The following TLK1 variants were observed in gnomAD, a reference collection of about 807,000 sequenced individuals.
TLK1 encodes the protein serine/threonine-protein kinase tousled-like 1.
TLK1 carries 24 observed loss-of-function variants against 105.3 expected under a neutral mutation model. That is an observed-to-expected ratio of 0.23 (90% CI 0.17 to 0.32). TLK1 has a LOEUF of 0.32. TLK1 is among the 10% of genes least tolerant of loss of function. TLK1 has a pLI of 1.00. For missense variants in TLK1, 558 were observed against 910.5 expected (o/e 0.61, Z 4.98); for synonymous variants, 321 against 310.4 (o/e 1.03, Z -0.36).
At chr2:171,132,801 G>C (rs1691156090) in intron 1 of TLK1, among the ~76,000 whole-genome samples, 1 of 152,110 alleles carries the variant, frequency 6.6e-6, no homozygotes, top group Admixed American at 6.5e-5. Flanking sequence ...AGAGATCAAG[G>C]CTGCAGTGAG....
intron 12 of TLK1, among the ~76,000 whole-genome samples, chr2:171,023,688 TG>T (rs749666013): frequency 2.6e-5 from 4 of 152,228 alleles, no homozygotes; most frequent in Non-Finnish European, 4.4e-5. Flanking sequence ...CTCATCAGTT[TG>T]GGGTATTATG....
At chr2:171,009,291 CTTTTTTTTTTTTTTTTTTTTT>C (rs71008743) in intron 14 of TLK1, among the ~76,000 whole-genome samples, 1 of 74,832 alleles carries the variant, frequency 1.3e-5, no homozygotes, top group Non-Finnish European at 2.3e-5. Context: ...ATTTCTTTTC[CTTTTTTTTTTTTTTTTTTTTT>C]TTTTTTTGAG....
At chr2:171,042,455 C>G (rs887538483) in intron 11 of TLK1, among the ~76,000 whole-genome samples, 2 of 151,690 alleles carry the variant, frequency 1.3e-5, no homozygotes, top group African/African-American at 2.4e-5. Flanking sequence ...GCTCTGTTGC[C>G]CAGGCTAGTT....
In TLK1 at chr2:171,117,777, T is replaced by C. The variant is rs1690496392; in HGVS notation, c.220A>G (p.Ser74Gly). 6.2e-7 allele frequency: 1 copy of C among 1,613,838 alleles called. No homozygotes were observed. Among genetic ancestry groups the C allele is most frequent in the Admixed American group, 1.7e-5 (1 of 59,978 alleles). Residue 74 changes from serine to glycine, a missense_variant, in exon 2 of 21, where the codon AGC becomes GGC. By Grantham distance (56) the Ser-to-Gly change is moderately conservative. Coordinates refer to ENST00000431350, the MANE Select transcript of TLK1 (RefSeq NM_012290.5). ...EARFTGVASGSTGSTGSCSVG... is the reference protein window; with the variant it reads ...EARFTGVASGGTGSTGSCSVG... ...CTGCAACTGCCCGTACTTCCAGTGC[T>C]CCCACTTGCAACTCCAGTAAATCTA...
intron 1 of TLK1, among the ~76,000 whole-genome samples, chr2:171,134,725 CTTTTTT>C (rs572825171): frequency 1.9e-5 from 2 of 103,804 alleles, no homozygotes; most frequent in African/African-American, 4.0e-5. Flanking sequence ...ACTATTTGGC[CTTTTTT>C]TTTTTTTTTT....
intron 14 of TLK1, 83 bp from the exon 15 acceptor site, chr2:171,007,146 T>C: frequency 8.6e-7 from 1 of 1,164,206 alleles, no homozygotes; most frequent in South Asian, 1.5e-5. Flanking sequence ...TGATAATTTT[T>C]GCAATAATAT....
chr2:171,080,212 A>AT (rs1688688550), intron 3 of TLK1, among the ~76,000 whole-genome samples: 2 of 151,356 alleles, frequency 1.3e-5, no homozygotes. Context: ...AAAAAAAAAA[A>AT]AGTAATAAAC....
At chr2:171,202,401 G>A (rs575979532) in intron 1 of TLK1, among the ~76,000 whole-genome samples, 127 of 151,986 alleles carry the variant, frequency 8.4e-4, no homozygotes, top group African/African-American at 2.2e-3. Flanking sequence ...GCGGTGAGCC[G>A]GGATCGCGCC....
chr2:171,101,236 C>T (rs1689675082), intron 2 of TLK1, among the ~76,000 whole-genome samples: 1 of 149,740 alleles, frequency 6.7e-6, no homozygotes, highest in South Asian at 2.1e-4. Flanking sequence ...ATCCCAGCTA[C>T]TCAGGAGGCT....
At chr2:171,093,199 G>A (rs1689311066) in intron 2 of TLK1, among the ~76,000 whole-genome samples, 1 of 152,210 alleles carries the variant, frequency 6.6e-6, no homozygotes, top group South Asian at 2.1e-4. Flanking sequence ...GCTAAGTGCT[G>A]AGACCATTAA....
intron 1 of TLK1, among the ~76,000 whole-genome samples, chr2:171,148,522 T>C (rs1387501011): frequency 6.6e-6 from 1 of 152,014 alleles, no homozygotes; most frequent in Non-Finnish European, 1.5e-5. Flanking sequence ...CAAAGTAACT[T>C]TTAGGCAATG....
intron 1 of TLK1, among the ~76,000 whole-genome samples, chr2:171,132,878 A>G (rs1691158197): frequency 6.6e-6 from 1 of 152,186 alleles, no homozygotes; most frequent in Non-Finnish European, 1.5e-5. Context: ...AAACATAACA[A>G]AACACTAAAT....
chr2:171,122,672 G>A (rs1038979224), intron 1 of TLK1, among the ~76,000 whole-genome samples: 63 of 149,524 alleles, frequency 4.2e-4, no homozygotes, highest in Admixed American at 1.2e-3. Flanking sequence ...ACACTCTGTC[G>A]CCCAGGCTGG....
chr2:171,056,540 T>A lies in TLK1; in HGVS notation c.480A>T (p.Pro160=), dbSNP rs1273905399. 1.2e-6 allele frequency: 2 copies of A among 1,612,450 alleles called. No individual in the cohort carries two copies. The change falls in exon 6 of 21, where the codon CCA becomes CCT. Residue 160 remains proline, a synonymous_variant. Transcript: ENST00000431350. ...FEYQGGNGSS[P]VRGIPPAIRS... Reference sequence around the variant, plus strand: ...GGATTGCAGGAGGTATGCCTCTTACTGGACTTGAGCCATTTCCACCCTGGT... The same window carrying A: ...GGATTGCAGGAGGTATGCCTCTTACAGGACTTGAGCCATTTCCACCCTGGT...
At chr2:171,104,357 G>A (rs1338700187) in intron 2 of TLK1, among the ~76,000 whole-genome samples, 1 of 150,288 alleles carries the variant, frequency 6.7e-6, no homozygotes, top group East Asian at 1.9e-4. Context: ...ATGAGGTGAA[G>A]GGGTTCCCTT....
chr2:171,050,101 T>C lies in TLK1; in HGVS notation c.806A>G (p.Lys269Arg), dbSNP rs1387862154. Residue 269 changes from lysine to arginine, a missense_variant, in exon 9 of 21, where the codon AAG becomes AGG. Around this residue, in one of 5 missense-constraint regions of TLK1, gnomAD observed 196 missense variants for 239.3 expected, o/e 0.82. Coordinates refer to ENST00000431350, the MANE Select transcript of TLK1 (RefSeq NM_012290.5). ...AAGTTTCTTGCTCATTGATATGCAC[T>C]TATTTAATCGTTCTTTGTATTTTTC... is the stretch of plus-strand genomic sequence containing the variant. Reference protein sequence around the residue: ...LLEKYKERLNKCISMSKKLLI... With the variant: ...LLEKYKERLNRCISMSKKLLI... 6.2e-7 allele frequency: 1 copy of C among 1,601,256 alleles called. No individual in the cohort carries two copies. Among genetic ancestry groups the C allele is most frequent in the Non-Finnish European group, 8.5e-7 (1 of 1,171,828 alleles).
chr2:171,060,953 A>C (rs1687721563), intron 4 of TLK1, 128 bp downstream of exon 4: 2 of 824,962 alleles, frequency 2.4e-6, no homozygotes, highest in Non-Finnish European at 3.7e-6. Context: ...TTATACACTA[A>C]CTACCTGTGC....
chr2:171,077,789 T>C (rs998567779), intron 3 of TLK1, among the ~76,000 whole-genome samples: 1 of 152,210 alleles, frequency 6.6e-6, no homozygotes, highest in Non-Finnish European at 1.5e-5. Flanking sequence ...AATATACAAG[T>C]GTAAAAGAAT....
At chr2:171,086,672 A>G (rs1409013735) in intron 2 of TLK1, among the ~76,000 whole-genome samples, 1 of 151,332 alleles carries the variant, frequency 6.6e-6, no homozygotes, top group Non-Finnish European at 1.5e-5. Flanking sequence ...AGAAGAGGAG[A>G]AGAAGGGAAT....
Sources: gnomAD v4.1 joint callset for allele counts (sites outside exome capture counted in the v4.1 genomes callset) on GRCh38, gnomAD v4.1.1 for gene constraint, gnomAD v4.1.1 regional missense constraint, MANE v1.5 for transcripts, NCBI Gene and HGNC (gene_info 2026-07-23, HGNC 2026-07-21) for gene names.